TRIO: variants seen among roughly 807,000 people sequenced by gnomAD.
TRIO encodes the protein trio Rho guanine nucleotide exchange factor, also known as triple functional domain protein.
In TRIO, 58 loss-of-function variants were observed where a neutral mutation model predicts 351.9. That is an observed-to-expected ratio of 0.16 (90% confidence interval 0.13 to 0.21). The LOEUF is 0.21. Ranked by LOEUF, TRIO falls within the 10% of genes least tolerant of loss-of-function variation. The probability of loss-of-function intolerance (pLI) is 1.00; values close to 1 mark genes in which losing one functional copy is unlikely to be tolerated. For synonymous variants in TRIO, 1,758 were observed against 1,595.7 expected, an observed-to-expected ratio of 1.10 and a Z score of -2.42; for missense variants, 3,201 against 4,027.8, an observed-to-expected ratio of 0.79 and a Z score of 5.56.
chr5:14,197,798 T>A (rs1029370401), intron 1 of TRIO, among the ~76,000 whole-genome samples: 1 of 152,212 alleles, frequency 6.6e-6, no homozygotes, highest in Admixed American at 6.5e-5. Context: ...GAAGGCCAGT[T>A]GTGCACACAC....
intron 2 of TRIO, among the ~76,000 whole-genome samples, chr5:14,272,380 A>G (rs758282129): frequency 3.9e-5 from 6 of 152,192 alleles, no homozygotes; most frequent in South Asian, 2.1e-4. Flanking sequence ...GGAGATGGAC[A>G]TGTGAAGAAA....
intron 37 of TRIO, 79 bp from the exon 38 acceptor site, chr5:14,471,239 T>C (rs530823377): frequency 1.4e-6 from 2 of 1,426,450 alleles, no homozygotes; most frequent in South Asian, 1.7e-5. Context: ...TTTCTGACTT[T>C]GGGTATTTTC....
At chr5:14,393,678 A>G (rs1369372586) in intron 27 of TRIO, among the ~76,000 whole-genome samples, 1 of 149,900 alleles carries the variant, frequency 6.7e-6, no homozygotes, top group African/African-American at 2.5e-5. Flanking sequence ...ACAGCAAGGA[A>G]TACAGCAAGG....
intron 11 of TRIO, among the ~76,000 whole-genome samples, chr5:14,341,385 G>A (rs1741929621): frequency 6.6e-6 from 1 of 152,168 alleles, no homozygotes. Flanking sequence ...GCTTTTGTGT[G>A]TCTCCTACAT....
At chr5:14,408,313 A>G (rs1277724003) in intron 33 of TRIO, among the ~76,000 whole-genome samples, 1 of 152,210 alleles carries the variant, frequency 6.6e-6, no homozygotes, top group Non-Finnish European at 1.5e-5. Context: ...TCAATATCCT[A>G]GTTTAAGTGA....
intron 11 of TRIO, among the ~76,000 whole-genome samples, chr5:14,351,252 A>G (rs1464310991): frequency 6.6e-6 from 1 of 152,202 alleles, no homozygotes; most frequent in East Asian, 1.9e-4. Flanking sequence ...CCCACAGTAC[A>G]GTTCGTCATT....
At chr5:14,312,349 T>A (rs1739006453) in intron 8 of TRIO, among the ~76,000 whole-genome samples, 1 of 152,236 alleles carries the variant, frequency 6.6e-6, no homozygotes, top group Admixed American at 6.5e-5. Flanking sequence ...TATGGTAAAA[T>A]TTTAAACTTA....
chr5:14,446,759 T>G (rs1203830393), intron 34 of TRIO, among the ~76,000 whole-genome samples: 1 of 150,066 alleles, frequency 6.7e-6, no homozygotes, highest in Non-Finnish European at 1.5e-5. Context: ...GGTTACAGCT[T>G]TTGTTTCTTT....
chr5:14,489,188 A>C, intron 48 of TRIO: 1 of 586,596 alleles, frequency 1.7e-6, no homozygotes, highest in South Asian at 2.2e-5. Context: ...TAGCTTTTGC[A>C]TGTCTTTCTC....
intron 1 of TRIO, among the ~76,000 whole-genome samples, chr5:14,256,708 C>A (rs1795039974): frequency 6.6e-6 from 1 of 152,170 alleles, no homozygotes; most frequent in Non-Finnish European, 1.5e-5. Flanking sequence ...TTTAAAACCA[C>A]CAGGCCCCTT....
At chr5:14,182,310 C>G (rs543040619) in intron 1 of TRIO, among the ~76,000 whole-genome samples, 60 of 152,336 alleles carry the variant, frequency 3.9e-4, no homozygotes, top group Non-Finnish European at 7.9e-4. Flanking sequence ...TTGGTTCCCT[C>G]TTAGCTGAGA....
Position 14,387,946 on chromosome 5 carries a change from C to T in TRIO, c.3881+99C>T, listed in dbSNP as rs980857652. 30 of 1,300,844 alleles carry T rather than the reference C, an allele frequency of 2.3e-5. No homozygotes were observed. The Admixed American group carries it at 5.9e-4, about 26-fold the overall frequency. 80.6% of individuals were successfully genotyped at this position (1,300,844 alleles called of 1,614,324 possible). A position where few individuals can be genotyped will look rare whatever the true frequency, so the allele number is the denominator to read the frequency against. On this transcript the variant is annotated intron_variant, in intron 23 of 56. Transcript: ENST00000344204. ...CTGTGTGTGCTTTGAAGTCACATGG[C>T]ACCCAGGCTTTTTGTTGCTCTGGGT... is the stretch of plus-strand genomic sequence containing the variant.
chr5:14,296,130 G>A (rs1737340127), intron 6 of TRIO, among the ~76,000 whole-genome samples: 1 of 152,130 alleles, frequency 6.6e-6, no homozygotes, highest in African/African-American at 2.4e-5. Context: ...TGGGAAGTGA[G>A]AGAAGGGGGA....
At chr5:14,412,874 AC>A (rs1252845744) in intron 33 of TRIO, among the ~76,000 whole-genome samples, 1 of 152,020 alleles carries the variant, frequency 6.6e-6, no homozygotes, top group African/African-American at 2.4e-5. Flanking sequence ...CCACCAGCAA[AC>A]CTCTGGCCTC....
chr5:14,229,144 A>AG (rs1170275281), intron 1 of TRIO, among the ~76,000 whole-genome samples: 2 of 151,792 alleles, frequency 1.3e-5, no homozygotes, highest in Non-Finnish European at 2.9e-5. Context: ...AAAACACACC[A>AG]GGGTATGTCT....
At chr5:14,448,024 A>C (rs965720494) in intron 34 of TRIO, among the ~76,000 whole-genome samples, 11 of 152,254 alleles carry the variant, frequency 7.2e-5, no homozygotes, top group African/African-American at 2.7e-4. Context: ...AGAGAAATTA[A>C]GAATCAAGAA....
chr5:14,299,674 A>T (rs1007277772), intron 7 of TRIO, among the ~76,000 whole-genome samples: 2 of 152,228 alleles, frequency 1.3e-5, no homozygotes, highest in African/African-American at 2.4e-5. Context: ...AGTTATGCTC[A>T]ACCTGTTTTC....
intron 27 of TRIO, among the ~76,000 whole-genome samples, chr5:14,391,938 C>T (rs1397204841): frequency 6.6e-6 from 1 of 152,214 alleles, no homozygotes; most frequent in Non-Finnish European, 1.5e-5. Flanking sequence ...TCTCCCAGGC[C>T]AAAGTGGCCT....
intron 1 of TRIO, among the ~76,000 whole-genome samples, chr5:14,203,315 G>A (rs1791249682): frequency 6.6e-6 from 1 of 152,196 alleles, no homozygotes; most frequent in Admixed American, 6.5e-5. Context: ...GCATCCCAAG[G>A]TGATTGCTTT....
Sources: gnomAD v4.1 joint callset for allele counts (sites outside exome capture counted in the v4.1 genomes callset) on GRCh38, gnomAD v4.1.1 for gene constraint, MANE v1.5 for transcripts, NCBI Gene and HGNC (gene_info 2026-07-23, HGNC 2026-07-21) for gene names.